TBC1D2B: variants seen among roughly 807,000 people sequenced by gnomAD.
TBC1D2B encodes the protein TBC1 domain family member 2B, also known as TBC1 domain family, member 2B.
In TBC1D2B, 64 loss-of-function variants were observed where a neutral mutation model predicts 100.8. The observed-to-expected ratio is 0.64, with a 90% CI of 0.52 to 0.78. The LOEUF (loss-of-function observed/expected upper bound fraction) is 0.78, where lower values mean the gene tolerates loss of function less well. Ranked by LOEUF, TBC1D2B falls within the 30% of genes least tolerant of loss-of-function variation. TBC1D2B has a pLI of 0.00. For missense variants in TBC1D2B, 1,052 were observed against 1,218.4 expected, an observed-to-expected ratio of 0.86 and a Z score of 2.03; for synonymous variants, 480 against 479.7, an observed-to-expected ratio of 1.00 and a Z score of -0.01.
Position 77,997,319 on chromosome 15 carries a change from G to C in TBC1D2B, c.*841C>G, listed in dbSNP as rs967042498. The C allele has an allele frequency of 3.9e-5, 6 of 152,282 alleles. No homozygotes were observed. Among genetic ancestry groups the C allele is most frequent in the African/African-American group, 7.2e-5 (3 of 41,466 alleles). The allele number at this position is 152,282 out of a possible 1,614,324, so 9.4% of individuals were successfully genotyped here. ...CTGCTTTGCAATATGACGGTCCACT[G>C]TTTACTTGGAATCCCATCCCATCGT... On this transcript the variant is annotated 3_prime_UTR_variant, in exon 13 of 13. Transcript: ENST00000300584.
chr15:78,069,861 C>G (rs1296123176), intron 1 of TBC1D2B, among the ~76,000 whole-genome samples: 1 of 152,228 alleles, frequency 6.6e-6, no homozygotes, highest in Non-Finnish European at 1.5e-5. Flanking sequence ...GAGCCCTCAC[C>G]AGACACCAAA....
At chr15:78,059,234 G>C (rs2073491044) in intron 1 of TBC1D2B, among the ~76,000 whole-genome samples, 1 of 152,202 alleles carries the variant, frequency 6.6e-6, no homozygotes, top group Non-Finnish European at 1.5e-5. Context: ...ACTAACCCAA[G>C]TTCCTTAAAG....
intron 9 of TBC1D2B, among the ~76,000 whole-genome samples, chr15:78,009,521 C>G (rs889216190): frequency 6.7e-6 from 1 of 150,270 alleles, no homozygotes; most frequent in Non-Finnish European, 1.5e-5. Context: ...GCCTGTGCAA[C>G]AGAACAAGAC....
In TBC1D2B at chr15:78,055,358, C is replaced by T. The variant is rs149969669; in HGVS notation, c.361-1171G>A. The stretch of plus-strand genomic sequence containing the variant: ...GGGGGAGAGGACCCAGAACAATGAA[C>T]CTAAATATAAATAAACTAGACTGCA... On this transcript the variant is annotated intron_variant, in intron 1 of 12. Coordinates refer to ENST00000300584, the MANE Select transcript of TBC1D2B (RefSeq NM_144572.2). Among the ~76,000 whole-genome samples, 8 of 151,876 alleles carry T rather than the reference C, an allele frequency of 5.3e-5. 1 individual carries two copies. In the East Asian group the frequency reaches 5.8e-4, roughly 11 times the overall value.
rs1162804298 is a variant in TBC1D2B, at chr15:78,016,433, A to T, written c.1775+113T>A. 3 of 968,522 alleles carry T rather than the reference A, an allele frequency of 3.1e-6. No individual in the cohort carries two copies. The Admixed American group carries it at 7.3e-5, about 24-fold the overall frequency. The allele number at this position is 968,522 out of a possible 1,614,324, so 60.0% of individuals were successfully genotyped here. On this transcript the variant is annotated intron_variant, in intron 8 of 12. Coordinates refer to ENST00000300584, the MANE Select transcript of TBC1D2B (RefSeq NM_144572.2). ...TGCTGACCTGACAGCATTTGTCATG[A>T]GCACCAAATGAGACACACAGTTGTG...
chr15:78,068,376 AC>A lies in TBC1D2B; in HGVS notation c.360+8916del, dbSNP rs1438376702. Among the ~76,000 whole-genome samples, 3 of 111,254 alleles carry A rather than the reference AC, an allele frequency of 2.7e-5. No individual in the cohort carries two copies. In the Admixed American group the frequency reaches 2.7e-4, roughly 10 times the overall value. 73.0% of individuals were successfully genotyped at this position (111,254 alleles called of 152,430 possible). ...TTCACCATGAAATGAAAGCACACAC[AC>A]CACACCCACACACACACACACACAC... On this transcript the variant is annotated intron_variant, in intron 1 of 12. Transcript: ENST00000300584.
intron 1 of TBC1D2B, among the ~76,000 whole-genome samples, chr15:78,067,800 C>A (rs986507276): frequency 1.3e-5 from 2 of 152,002 alleles, no homozygotes; most frequent in Non-Finnish European, 2.9e-5. Context: ...CATGCAAACT[C>A]ATTAGAAGAT....
chr15:78,053,800 T>C (rs1017227268), intron 2 of TBC1D2B: 20 of 440,784 alleles, frequency 4.5e-5, no homozygotes, highest in African/African-American at 3.7e-4. Flanking sequence ...ATGCTGACCT[T>C]AGTCGTATCT....
intron 10 of TBC1D2B, among the ~76,000 whole-genome samples, chr15:78,008,707 G>A (rs1345030675): frequency 6.6e-6 from 1 of 152,188 alleles, no homozygotes; most frequent in Non-Finnish European, 1.5e-5. Context: ...CCACTGGTAG[G>A]CCTGTGTCCG....
intron 1 of TBC1D2B, among the ~76,000 whole-genome samples, chr15:78,077,059 C>T (rs2073839754): frequency 6.6e-6 from 1 of 152,182 alleles, no homozygotes; most frequent in Admixed American, 6.5e-5. Flanking sequence ...GATAATGGGT[C>T]AAGGTGTCTG....
At chr15:78,013,550 A>G (rs1219391156) in intron 8 of TBC1D2B, among the ~76,000 whole-genome samples, 1 of 152,236 alleles carries the variant, frequency 6.6e-6, no homozygotes. Context: ...ATACAGGGAA[A>G]AAAAACAATC....
At chr15:78,021,707 T>C (rs1005629962) in intron 6 of TBC1D2B, among the ~76,000 whole-genome samples, 3 of 152,224 alleles carry the variant, frequency 2.0e-5, no homozygotes, top group African/African-American at 7.2e-5. Flanking sequence ...TTGTGATATG[T>C]TGGGGCCACA....
chr15:78,069,472 C>G (rs1364487405), intron 1 of TBC1D2B, among the ~76,000 whole-genome samples: 2 of 152,186 alleles, frequency 1.3e-5, no homozygotes, highest in East Asian at 1.9e-4. Context: ...ATACATCAAC[C>G]CTTTGTACCC....
intron 3 of TBC1D2B, among the ~76,000 whole-genome samples, chr15:78,038,386 G>A (rs1290278124): frequency 2.0e-5 from 3 of 152,226 alleles, no homozygotes; most frequent in African/African-American, 7.2e-5. Flanking sequence ...AGTAACCAGA[G>A]AAGACAGAGC....
At chr15:78,035,677 C>T (rs923710293) in intron 3 of TBC1D2B, among the ~76,000 whole-genome samples, 1 of 152,202 alleles carries the variant, frequency 6.6e-6, no homozygotes, top group African/African-American at 2.4e-5. Context: ...TCCTCCTCTA[C>T]AAATTAATTC....
At chr15:78,044,444 A>C (rs1203421215) in intron 3 of TBC1D2B, among the ~76,000 whole-genome samples, 1 of 152,142 alleles carries the variant, frequency 6.6e-6, no homozygotes, top group African/African-American at 2.4e-5. Flanking sequence ...CAACCAAACG[A>C]ACAAAAACCA....
chr15:78,013,200 G>T lies in TBC1D2B; in HGVS notation c.1893C>A (p.Val631=), dbSNP rs536975479. ...AGTTTTCCCACTTGACCCCAGTGGAGACTTCCTGGTTTTCTGTGAGGTAGA... is the reference window on the plus strand; with the variant it reads ...AGTTTTCCCACTTGACCCCAGTGGATACTTCCTGGTTTTCTGTGAGGTAGA... ...KTLYLTENQE[V]STGVKWENYF... Residue 631 remains valine (V), a synonymous_variant, in exon 9 of 13, where the codon GTC becomes GTA. Transcript: ENST00000300584. 6.2e-7 allele frequency: 1 copy of T among 1,614,020 alleles called. No individual in the cohort carries two copies. Among genetic ancestry groups the T allele is most frequent in the Admixed American group, 1.7e-5 (1 of 60,030 alleles).
chr15:78,026,853 A>T (rs1168974943), intron 4 of TBC1D2B, among the ~76,000 whole-genome samples: 1 of 151,298 alleles, frequency 6.6e-6, no homozygotes, highest in African/African-American at 2.4e-5. Flanking sequence ...GTGAGCCAAG[A>T]TCACGTCATT....
intron 1 of TBC1D2B, among the ~76,000 whole-genome samples, chr15:78,069,583 A>C (rs1444689048): frequency 6.6e-6 from 1 of 152,228 alleles, no homozygotes; most frequent in African/African-American, 2.4e-5. Flanking sequence ...TCACGTGTTG[A>C]GACCCAGTCC....
Sources: allele counts gnomAD v4.1 joint callset (sites outside exome capture counted in the v4.1 genomes callset), GRCh38; gene constraint gnomAD v4.1.1; transcripts MANE v1.5; gene names NCBI Gene and HGNC (gene_info 2026-07-23, HGNC 2026-07-21).